Variants in ATF3 observed in about 807,000 individuals in gnomAD.
ATF3 encodes cyclic AMP-dependent transcription factor ATF-3.
Under a neutral mutation model 18.4 loss-of-function variants are expected in ATF3, and 10 were observed. The ratio of observed to expected loss-of-function variants is 0.54; its 90% CI spans 0.34 to 0.92. The LOEUF is 0.92. Ranked by LOEUF, ATF3 falls within the 40% of genes least tolerant of loss-of-function variation. The pLI is 0.02. For missense variants in ATF3, 183 were observed against 222.3 expected (o/e 0.82, Z 1.12); for synonymous variants, 78 against 87.9 (o/e 0.89, Z 0.63).
chr1:212,589,573 T>C (rs988837771), intron 1 of ATF3, among the ~76,000 whole-genome samples: 4 of 151,916 alleles, frequency 2.6e-5, no homozygotes, highest in Non-Finnish European at 5.9e-5. Context: ...TCCCAGCCAT[T>C]TGGGAGGCTG....
chr1:212,575,467 C>T (rs1243508178), intron 1 of ATF3, among the ~76,000 whole-genome samples: 3 of 152,016 alleles, frequency 2.0e-5, no homozygotes, highest in Non-Finnish European at 4.4e-5. Flanking sequence ...TAGACAATCA[C>T]ATTTTCAGCA....
intron 1 of ATF3, among the ~76,000 whole-genome samples, chr1:212,611,099 G>A (rs1156618716): frequency 6.6e-6 from 1 of 152,240 alleles, no homozygotes; most frequent in Non-Finnish European, 1.5e-5. Flanking sequence ...GAGGAGGAAG[G>A]ACATAGCCAA....
chr1:212,573,042 A>T (rs1195660325), intron 1 of ATF3, among the ~76,000 whole-genome samples: 1 of 152,114 alleles, frequency 6.6e-6, no homozygotes, highest in Non-Finnish European at 1.5e-5. Context: ...AATTTCCGGG[A>T]ATGTAATTAT....
rs186332056 is a variant in ATF3 at position 212,620,032 on chromosome 1, A to C, written c.*477A>C. The C allele has an allele frequency of 2.3e-3, 465 of 201,066 alleles. 1 individual carries two copies. Among genetic ancestry groups the C allele is most frequent in the Non-Finnish European group, 3.2e-3 (306 of 96,488 alleles). 12.5% of individuals were successfully genotyped at this position (201,066 alleles called of 1,614,324 possible). On this transcript the variant is annotated 3_prime_UTR_variant, in exon 4 of 4. Coordinates refer to ENST00000341491, the MANE Select transcript of ATF3 (RefSeq NM_001674.4). ...GCCAGGGTTGTGCTTTCTAGCAAAT[A>C]TGCTGTTATGTCCAGAAATTGTGTG...
intron 1 of ATF3, among the ~76,000 whole-genome samples, chr1:212,571,856 A>C (rs890957931): frequency 2.6e-5 from 4 of 151,400 alleles, no homozygotes; most frequent in Admixed American, 6.6e-5. Flanking sequence ...GGACTGCAGG[A>C]GCCCGCCACC....
At chr1:212,585,875 T>C (rs1427336380) in intron 1 of ATF3, among the ~76,000 whole-genome samples, 1 of 152,148 alleles carries the variant, frequency 6.6e-6, no homozygotes, top group African/African-American at 2.4e-5. Flanking sequence ...CCATGGTTGT[T>C]GCTCTTTGTC....
At chr1:212,585,318 G>C (rs1048103365) in intron 1 of ATF3, among the ~76,000 whole-genome samples, 30 of 152,236 alleles carry the variant, frequency 2.0e-4, no homozygotes, top group African/African-American at 7.2e-4. Context: ...TTGCCCCCGT[G>C]CCCAGTCCTG....
Position 212,615,166 on chromosome 1 carries a change from A to G in ATF3, c.145A>G (p.Ile49Val), listed in dbSNP as rs1158018364. 2.5e-6 allele frequency: 4 copies of G among 1,614,192 alleles called. No individual in the cohort carries two copies. Among genetic ancestry groups the G allele is most frequent in the Non-Finnish European group, 2.5e-6 (3 of 1,180,036 alleles). Reference sequence around the variant, plus strand: ...TGTCAAGGAAGAGCTGAGGTTTGCCATCCAGAACAAGCACCTCTGCCACCG... The same window carrying G: ...TGTCAAGGAAGAGCTGAGGTTTGCCGTCCAGAACAAGCACCTCTGCCACCG... ...PFVKEELRFA[I>V]QNKHLCHRMS... Residue 49 changes from isoleucine (I) to valine (V), a missense_variant, in exon 2 of 4, where the codon ATC (isoleucine) becomes GTC (valine). Physicochemically the swap from Ile to Val is conservative, Grantham distance 29 (BLOSUM62 3). Transcript: ENST00000341491.
intron 1 of ATF3, among the ~76,000 whole-genome samples, chr1:212,566,001 A>G (rs1301894257): frequency 6.6e-6 from 1 of 152,194 alleles, no homozygotes; most frequent in African/African-American, 2.4e-5. Flanking sequence ...TTGTATCAGC[A>G]GTGTAACATG....
intron 1 of ATF3, among the ~76,000 whole-genome samples, chr1:212,595,806 G>T (rs1337999445): frequency 6.6e-6 from 1 of 152,180 alleles, no homozygotes; most frequent in Non-Finnish European, 1.5e-5. Context: ...CCACATTTGC[G>T]TTTGGTAATA....
rs542353224 is a variant in ATF3, at chr1:212,575,506, T to C, written c.-5+10023T>C. On this transcript the variant is annotated intron_variant, in intron 1 of 3. Transcript: ENST00000366981. ...GAAAACAGCCTCTAATCTTTCTCTT[T>C]TTCCATTGTTTTATATTACATCAGT... Among the ~76,000 whole-genome samples, 49 of 152,232 alleles carry C rather than the reference T, an allele frequency of 3.2e-4. 1 individual carries two copies. In the South Asian group the frequency reaches 9.7e-3, roughly 30 times the overall value.
chr1:212,617,977 A>G, intron 2 of ATF3, 150 bp from the exon 3 acceptor site: 1 of 700,646 alleles, frequency 1.4e-6, no homozygotes. Context: ...AGGGGTTTTC[A>G]CACAAAAGTC....
upstream of ATF3, among the ~76,000 whole-genome samples, chr1:212,604,062 T>C (rs1247163865): frequency 5.3e-5 from 8 of 152,228 alleles, no homozygotes; most frequent in East Asian, 1.9e-4. Flanking sequence ...AAAAAAATTA[T>C]AGTAAAACTT....
chr1:212,573,514 A>C (rs999985669), intron 1 of ATF3, among the ~76,000 whole-genome samples: 2 of 151,978 alleles, frequency 1.3e-5, no homozygotes, highest in African/African-American at 2.4e-5. Flanking sequence ...CTATGTTCAT[A>C]ATTTAGATAG....
Position 212,573,928 on chromosome 1 carries a change from T to G in ATF3, c.-5+8445T>G, listed in dbSNP as rs186748894. 3.8e-3 allele frequency among the ~76,000 whole-genome samples: 559 copies of G among 147,030 alleles called. 4 individuals are homozygous for G. The highest frequency in any genetic ancestry group is 0.013 in the African/African-American group (540 of 40,702). On this transcript the variant is annotated intron_variant, in intron 1 of 3. Coordinates refer to the ATF3 transcript ENST00000366981. The stretch of plus-strand genomic sequence containing the variant: ...TGAACCTCCCCTTTTTATTTCTAAT[T>G]TTATTATTCATAGGGTTTTTTTTTC...
At chr1:212,610,317 C>G (rs1475963911) in intron 1 of ATF3, among the ~76,000 whole-genome samples, 3 of 152,224 alleles carry the variant, frequency 2.0e-5, no homozygotes, top group African/African-American at 7.2e-5. Flanking sequence ...CAGTGTACCC[C>G]TTTCGTTGTA....
chr1:212,567,076 C>G (rs992986583), intron 1 of ATF3, among the ~76,000 whole-genome samples: 3 of 152,192 alleles, frequency 2.0e-5, no homozygotes, highest in Non-Finnish European at 2.9e-5. Context: ...TTGGCCACTT[C>G]TTTGAAGCTG....
chr1:212,605,746 T>G (rs542977415), upstream of ATF3, among the ~76,000 whole-genome samples: 5 of 152,370 alleles, frequency 3.3e-5, no homozygotes, highest in Admixed American at 6.5e-5. Flanking sequence ...TTTTTTCCCT[T>G]CCTTTTGCAC....
upstream of ATF3, among the ~76,000 whole-genome samples, chr1:212,606,166 T>C (rs1654618758): frequency 6.6e-6 from 1 of 152,158 alleles, no homozygotes; most frequent in South Asian, 2.1e-4. Flanking sequence ...TCTTTTCCAG[T>C]CTCTCAATTC....
Sources: allele counts gnomAD v4.1 joint callset (sites outside exome capture counted in the v4.1 genomes callset), GRCh38; gene constraint gnomAD v4.1.1; transcripts MANE v1.5; gene names NCBI Gene and HGNC (gene_info 2026-07-23, HGNC 2026-07-21).